The following CASQ2 variants were observed in gnomAD, a reference collection of about 807,000 sequenced individuals.
The protein encoded by CASQ2 is calsequestrin-2.
Under a neutral mutation model 46.5 loss-of-function variants are expected in CASQ2, and 49 were observed. The ratio of observed to expected loss-of-function variants is 1.05; its 90% CI spans 0.84 to 1.34. The LOEUF (loss-of-function observed/expected upper bound fraction) is 1.34, where lower values mean the gene tolerates loss of function less well. CASQ2 is among the 40% of genes most tolerant of loss of function. The pLI is 0.00. For missense variants in CASQ2, 486 were observed against 481.3 expected (o/e 1.01, Z -0.09); for synonymous variants, 174 against 168.5 (o/e 1.03, Z -0.25).
At chr1:115,753,044 T>A (rs79212334) in intron 1 of CASQ2, among the ~76,000 whole-genome samples, 2,595 of 152,244 alleles carry the variant, frequency 0.017, 93 homozygotes, top group African/African-American at 0.059. Flanking sequence ...GGGTCTCCCA[T>A]GAGGAAACAA....
At chr1:115,723,838 G>A (rs777318660) in intron 7 of CASQ2, among the ~76,000 whole-genome samples, 3 of 152,114 alleles carry the variant, frequency 2.0e-5, no homozygotes, top group Non-Finnish European at 2.9e-5. Flanking sequence ...TATGCCTAGC[G>A]ATAAGACCCT....
intron 8 of CASQ2, among the ~76,000 whole-genome samples, chr1:115,715,165 T>C (rs903547531): frequency 1.6e-4 from 25 of 152,348 alleles, no homozygotes; most frequent in African/African-American, 5.3e-4. Flanking sequence ...TGTTTGATTA[T>C]AGCTTGTAAA....
At chr1:115,755,806 G>A (rs571197452) in intron 1 of CASQ2, among the ~76,000 whole-genome samples, 1 of 152,268 alleles carries the variant, frequency 6.6e-6, no homozygotes, top group South Asian at 2.1e-4. Flanking sequence ...AGCGTACTGT[G>A]GCTTAGATTT....
At chr1:115,745,051 A>C (rs1413271115) in intron 1 of CASQ2, 139 bp from the exon 2 acceptor site, 1 of 709,098 alleles carries the variant, frequency 1.4e-6, no homozygotes, top group Non-Finnish European at 2.6e-6. Context: ...GAGCAGCAGC[A>C]AAGGAAATGT....
At chr1:115,728,872 G>T (rs1282230592) in intron 5 of CASQ2, among the ~76,000 whole-genome samples, 1 of 151,926 alleles carries the variant, frequency 6.6e-6, no homozygotes, top group African/African-American at 2.4e-5. Flanking sequence ...GCCAATGTCT[G>T]GGTCCACAGT....
chr1:115,721,029 G>A (rs12081520), intron 7 of CASQ2, among the ~76,000 whole-genome samples: 2,236 of 152,300 alleles, frequency 0.015, 65 homozygotes, highest in African/African-American at 0.051. Context: ...TCTGTTGAAT[G>A]TTTGTTCTCA....
At chr1:115,735,875 G>A (rs529924980) in intron 4 of CASQ2, among the ~76,000 whole-genome samples, 82 of 152,272 alleles carry the variant, frequency 5.4e-4, no homozygotes, top group Admixed American at 7.2e-4. Context: ...GTCAAAGAAA[G>A]AGCAGGCCGG....
At chr1:115,733,077 T>G in intron 4 of CASQ2, 103 bp from the exon 5 acceptor site, 1 of 764,942 alleles carries the variant, frequency 1.3e-6, no homozygotes, top group East Asian at 2.5e-5. Context: ...TTAATCCTGA[T>G]TGGATAATAA....
chr1:115,717,989 G>A, intron 7 of CASQ2, 95 bp from the exon 8 acceptor site: 1 of 821,702 alleles, frequency 1.2e-6, no homozygotes, highest in Non-Finnish European at 2.2e-6. Flanking sequence ...ATGGGAATAG[G>A]AGAGGTAGGG....
At chr1:115,754,594 T>C (rs903330955) in intron 1 of CASQ2, among the ~76,000 whole-genome samples, 2 of 152,172 alleles carry the variant, frequency 1.3e-5, no homozygotes, top group Non-Finnish European at 2.9e-5. Flanking sequence ...CCAACTTGCC[T>C]GGGGACACAC....
At position 115,768,585 on chromosome 1, in the gene CASQ2, G is replaced by A; in HGVS notation, c.-44C>T. 3 of 1,231,764 alleles carry A rather than the reference G, an allele frequency of 2.4e-6. No homozygotes were observed. Among genetic ancestry groups the A allele is most frequent in the Non-Finnish European group, 3.6e-6 (3 of 842,944 alleles). The allele number at this position is 1,231,764 out of a possible 1,614,324, so 76.3% of individuals were successfully genotyped here. On this transcript the variant is annotated 5_prime_UTR_variant, in exon 1 of 11. Transcript: ENST00000261448. ...CTCGTTCCCAAATATGCTGTGTGCA[G>A]AATAGAGGACAGAAGACTGTTAGAG...
intron 1 of CASQ2, among the ~76,000 whole-genome samples, chr1:115,765,667 G>A (rs995671026): frequency 4.6e-5 from 7 of 152,164 alleles, no homozygotes; most frequent in Middle Eastern, 3.2e-3. Context: ...GTGTGTGTGT[G>A]TGTCTGTGTG....
At chr1:115,739,458 T>A (rs1353735055) in intron 3 of CASQ2, among the ~76,000 whole-genome samples, 1 of 152,006 alleles carries the variant, frequency 6.6e-6, no homozygotes, top group African/African-American at 2.4e-5. Context: ...TGATGGACAT[T>A]TAGGTGGATT....
intron 1 of CASQ2, among the ~76,000 whole-genome samples, chr1:115,745,445 A>T (rs1395951674): frequency 6.6e-6 from 1 of 152,160 alleles, no homozygotes; most frequent in Non-Finnish European, 1.5e-5. Context: ...GGTTTCCTGA[A>T]GCACACTGAG....
chr1:115,745,402 C>T (rs565371376), intron 1 of CASQ2, among the ~76,000 whole-genome samples: 62 of 152,176 alleles, frequency 4.1e-4, no homozygotes, highest in African/African-American at 1.5e-3. Flanking sequence ...TAGGAATGCC[C>T]ATTGGGTGAA....
At chr1:115,706,835 T>C (rs570388876) in intron 8 of CASQ2, among the ~76,000 whole-genome samples, 6 of 152,298 alleles carry the variant, frequency 3.9e-5, no homozygotes, top group African/African-American at 1.4e-4. Flanking sequence ...TTGGCTCTTT[T>C]GGACTCTTGG....
chr1:115,732,790 G>A (rs1449188504), intron 5 of CASQ2, 111 bp downstream of exon 5: 3 of 783,396 alleles, frequency 3.8e-6, no homozygotes, highest in African/African-American at 1.7e-5. Context: ...AGAGAAAGAG[G>A]CAAGGGAGGA....
At chr1:115,738,873 C>G (rs1275197471) in intron 3 of CASQ2, among the ~76,000 whole-genome samples, 1 of 151,890 alleles carries the variant, frequency 6.6e-6, no homozygotes, top group Non-Finnish European at 1.5e-5. Context: ...CATTATCTCT[C>G]CATTCCCACC....
At chr1:115,708,808 G>C (rs2101059563) in intron 8 of CASQ2, among the ~76,000 whole-genome samples, 3 of 152,274 alleles carry the variant, frequency 2.0e-5, no homozygotes, top group East Asian at 3.9e-4. Flanking sequence ...CTGGGAGTGG[G>C]GTAGAGGCAG....
Sources: allele counts gnomAD v4.1 joint callset (sites outside exome capture counted in the v4.1 genomes callset), GRCh38; gene constraint gnomAD v4.1.1; transcripts MANE v1.5; gene names NCBI Gene and HGNC (gene_info 2026-07-23, HGNC 2026-07-21).